DOCK6: variants seen among roughly 807,000 people sequenced by gnomAD.
DOCK6 encodes dedicator of cytokinesis protein 6.
Under a neutral mutation model 230.3 loss-of-function variants are expected in DOCK6, and 167 were observed. That is an observed-to-expected ratio of 0.73 (90% confidence interval 0.64 to 0.82). The LOEUF (loss-of-function observed/expected upper bound fraction) is 0.82. Among genes scored for constraint, DOCK6 ranks in the 40% least tolerant of loss-of-function variants. The pLI is 0.00. For synonymous variants in DOCK6, 1,148 were observed against 1,185.0 expected (o/e 0.97, Z 0.64); for missense variants, 2,598 against 2,825.8 (o/e 0.92, Z 1.83).
chr19:11,228,582 CAG>C (rs1410495428), intron 23 of DOCK6, among the ~76,000 whole-genome samples: 24 of 130,498 alleles, frequency 1.8e-4, no homozygotes, highest in African/African-American at 7.0e-4. Context: ...TTTTTTGAGA[CAG>C]AGTCTCGCTC....
Position 11,250,863 on chromosome 19 carries a change from G to C in DOCK6, c.720+11C>G. The C allele has an allele frequency of 6.3e-7, 1 of 1,591,292 alleles. No homozygotes were observed. ...ATGCTGGTTGGCTGATATCTGGGAA[G>C]GGGCACCCACCTCGTCAGGTGCCGG... On this transcript the variant is annotated intron_variant, in intron 6 of 47. Coordinates refer to ENST00000294618, the MANE Select transcript of DOCK6 (RefSeq NM_020812.4).
chr19:11,261,691 G>A (rs1003436543), intron 1 of DOCK6, among the ~76,000 whole-genome samples: 7 of 151,996 alleles, frequency 4.6e-5, no homozygotes, highest in Non-Finnish European at 1.0e-4. Flanking sequence ...CCAGCGCCTG[G>A]GGCCTGTCCC....
chr19:11,237,505 G>A lies in DOCK6; in HGVS notation c.2024C>T (p.Pro675Leu), dbSNP rs1290298427. The change falls in exon 18 of 48, where the codon CCA becomes CTA. Residue 675 changes from proline (P) to leucine (L), a missense_variant. Pro to Leu is a moderately conservative substitution (Grantham distance 98). Transcript: ENST00000294618. ...GRLRTGPFCL[P>L]VSVDQPPPSY... ...GGGCGGCGGCTGGTCCACAGACACT[G>A]GGAGACAGAAGGGGCCGGTCCTCAG... 1 of 1,613,330 alleles carries A rather than the reference G, an allele frequency of 6.2e-7. No individual in the cohort carries two copies. The highest frequency in any genetic ancestry group is 8.5e-7 in the Non-Finnish European group (1 of 1,179,778).
Position 11,201,121 on chromosome 19 carries a change from G to A in DOCK6, c.5689-69C>T. 1 of 1,576,670 alleles carries A rather than the reference G, an allele frequency of 6.3e-7. No homozygotes were observed. The stretch of plus-strand genomic sequence containing the variant: ...AGGTCCTGATCGAAGCCAGTCGGGG[G>A]CAGCTCAGACCCCGCTGGGAGTGAG... On this transcript the variant is annotated intron_variant, in intron 44 of 47. Coordinates refer to ENST00000294618, the MANE Select transcript of DOCK6 (RefSeq NM_020812.4). This position sits in a 1 kb window ranked among gnomAD's most constrained non-coding sequence, Gnocchi z 4.3.
intron 39 of DOCK6, 155 bp downstream of exon 39, chr19:11,208,531 C>T (rs376679776): frequency 4.0e-5 from 43 of 1,076,894 alleles, no homozygotes; most frequent in East Asian, 3.2e-4. Context: ...TGCCTGCCTC[C>T]GCCTCCCAAA....
chr19:11,216,110 C>A, intron 30 of DOCK6, 183 bp from the exon 31 acceptor site: 1 of 567,276 alleles, frequency 1.8e-6, no homozygotes, highest in South Asian at 2.4e-5. Flanking sequence ...TTTCTTGAAA[C>A]AGAGTCTCTC....
At chr19:11,199,631 C>T (rs2079135756) in intron 47 of DOCK6, 92 bp from the exon 48 acceptor site, 9 of 1,364,270 alleles carry the variant, frequency 6.6e-6, no homozygotes, top group Non-Finnish European at 9.2e-6. Context: ...TCCTCCTCGT[C>T]TTCCTCCAAG....
At position 11,217,252 on chromosome 19, in the gene DOCK6, G is replaced by GGTGGCCCCTGGGAGATT; in HGVS notation, c.3689_3690insAATCTCCCAGGGGCCAC (p.Ser1230ArgfsTer38). ...TCACCGTTGGTGGCCCCTGGGAGAT[G>GGTGGCCCCTGGGAGATT]CTGGCCCGGGAGCCAGGGGCTAGGG... is the stretch of plus-strand genomic sequence containing the variant. On this transcript the variant is annotated frameshift_variant, in exon 29 of 48. Coordinates refer to ENST00000294618, the MANE Select transcript of DOCK6 (RefSeq NM_020812.4). LOFTEE classifies it high-confidence loss of function. 6.2e-7 allele frequency: 1 copy of GGTGGCCCCTGGGAGATT among 1,612,664 alleles called. No homozygotes were observed.
intron 28 of DOCK6, among the ~76,000 whole-genome samples, chr19:11,218,381 G>A (rs180677874): frequency 1.3e-4 from 20 of 152,164 alleles, no homozygotes; most frequent in Admixed American, 9.2e-4. Flanking sequence ...TCCTGACCTC[G>A]AATGATCTGC....
In DOCK6 at chr19:11,242,225, G is replaced by GGTTT. The variant is rs1568254269; in HGVS notation, c.1481-22_1481-19dup. ...GAGCTGGGCTGGGAAGGGAAGAACC[G>GGTTT]GTTTGCACCTGCCTGGGAGCCTCCT... On this transcript the variant is annotated intron_variant, in intron 13 of 47. Coordinates refer to ENST00000294618, the MANE Select transcript of DOCK6 (RefSeq NM_020812.4). 1 of 1,440,226 alleles carries GGTTT rather than the reference G, an allele frequency of 6.9e-7. No individual in the cohort carries two copies. Among genetic ancestry groups the GGTTT allele is most frequent in the East Asian group, 2.5e-5 (1 of 39,334 alleles). 89.2% of individuals were successfully genotyped at this position (1,440,226 alleles called of 1,614,324 possible).
At chr19:11,240,316 C>G (rs766632607) in intron 14 of DOCK6, 6 of 1,532,860 alleles carry the variant, frequency 3.9e-6, no homozygotes, top group Non-Finnish European at 5.3e-6. Context: ...TCCCCCAACC[C>G]TAGTGGGCTG....
At chr19:11,250,831 C>G (rs1294278831) in intron 6 of DOCK6, 43 bp downstream of exon 6, 3 of 1,571,024 alleles carry the variant, frequency 1.9e-6, no homozygotes, top group Non-Finnish European at 2.6e-6. Context: ...CAATAGGCAC[C>G]CAGTAAATGC....
At chr19:11,248,638 T>C (rs1343042521) in intron 6 of DOCK6, among the ~76,000 whole-genome samples, 1 of 152,088 alleles carries the variant, frequency 6.6e-6, no homozygotes, top group African/African-American at 2.4e-5. Context: ...AATGTCCTGG[T>C]GTAAGGAGCC....
intron 38 of DOCK6, 24 bp from the exon 39 acceptor site, chr19:11,208,853 G>A (rs1411120138): frequency 1.2e-6 from 2 of 1,607,120 alleles, no homozygotes; most frequent in African/African-American, 2.7e-5. Flanking sequence ...GGTGGCGTCA[G>A]ACCCTGGTCC....
chr19:11,229,745 G>A (rs188581315), intron 22 of DOCK6, among the ~76,000 whole-genome samples: 24 of 151,950 alleles, frequency 1.6e-4, no homozygotes, highest in African/African-American at 5.6e-4. Context: ...GAGGCTGGGC[G>A]GGGTGGCTCA....
chr19:11,238,019 A>G, intron 16 of DOCK6, 26 bp downstream of exon 16: 2 of 1,612,068 alleles, frequency 1.2e-6, no homozygotes, highest in Non-Finnish European at 1.7e-6. Flanking sequence ...AGTGCCCCCA[A>G]GTTCCTCACG....
At chr19:11,213,038 C>G (rs931029500) in intron 35 of DOCK6, 138 bp downstream of exon 35, 1 of 1,184,670 alleles carries the variant, frequency 8.4e-7, no homozygotes, top group Non-Finnish European at 1.2e-6. Flanking sequence ...ACCTGACCCC[C>G]AATTGCATTC....
intron 20 of DOCK6, 118 bp from the exon 21 acceptor site, chr19:11,235,877 ATTT>A (rs56665433): frequency 8.4e-3 from 7,343 of 875,612 alleles, no homozygotes; most frequent in South Asian, 0.012. Flanking sequence ...GGGGTCACAA[ATTT>A]TTTTTTTTTT....
chr19:11,253,285 T>A (rs1433205076), intron 2 of DOCK6, among the ~76,000 whole-genome samples: 4 of 152,066 alleles, frequency 2.6e-5, no homozygotes, highest in Non-Finnish European at 5.9e-5. Context: ...CGCAACCCTG[T>A]GGGCAACATG....
Sources: allele counts gnomAD v4.1 joint callset (sites outside exome capture counted in the v4.1 genomes callset), GRCh38; gene constraint gnomAD v4.1.1; non-coding constraint Gnocchi (gnomAD v3.1); transcripts MANE v1.5; gene names NCBI Gene and HGNC (gene_info 2026-07-23, HGNC 2026-07-21).